Variants in RAD51B observed in about 807,000 individuals in gnomAD.
RAD51B encodes DNA repair protein RAD51 homolog 2.
Under a neutral mutation model 42.2 loss-of-function variants are expected in RAD51B, and 38 were observed. The ratio of observed to expected loss-of-function variants is 0.90; its 90% CI spans 0.70 to 1.18. The LOEUF (loss-of-function observed/expected upper bound fraction) is 1.18, where lower values mean the gene tolerates loss of function less well. Ranked by LOEUF, RAD51B falls within the 50% of genes most tolerant of loss-of-function variation. The pLI, the probability that RAD51B is intolerant of heterozygous loss-of-function variation, is 0.00. For synonymous variants in RAD51B, 154 were observed against 145.2 expected, an observed-to-expected ratio of 1.06 and a Z score of -0.43; for missense variants, 373 against 400.7, an observed-to-expected ratio of 0.93 and a Z score of 0.59.
chr14:68,352,485 T>C (rs1464467581), intron 8 of RAD51B, among the ~76,000 whole-genome samples: 1 of 152,244 alleles, frequency 6.6e-6, no homozygotes, highest in Non-Finnish European at 1.5e-5. Flanking sequence ...GTTGTTTGGA[T>C]TGTAGAAGTC....
chr14:68,429,475 T>TGA (rs2084943798), intron 9 of RAD51B, among the ~76,000 whole-genome samples: 2 of 152,362 alleles, frequency 1.3e-5, no homozygotes, highest in African/African-American at 4.8e-5. Flanking sequence ...TATCTCATTG[T>TGA]GATTTTGATT....
intron 10 of RAD51B, among the ~76,000 whole-genome samples, chr14:68,648,747 T>G (rs1262385883): frequency 6.6e-6 from 1 of 150,700 alleles, no homozygotes; most frequent in Admixed American, 6.6e-5. Context: ...TTTGCCTGAC[T>G]TGGGGTAAGT....
chr14:67,892,052 A>G (rs2043235175), intron 7 of RAD51B, among the ~76,000 whole-genome samples: 1 of 152,192 alleles, frequency 6.6e-6, no homozygotes, highest in Non-Finnish European at 1.5e-5. Context: ...TTTTCTAGAA[A>G]TGTAATTTTT....
At chr14:68,175,720 A>T (rs1280533505) in intron 7 of RAD51B, among the ~76,000 whole-genome samples, 1 of 152,092 alleles carries the variant, frequency 6.6e-6, no homozygotes, top group Admixed American at 6.6e-5. Flanking sequence ...TATACATGAG[A>T]TCACCATCTC....
At chr14:68,053,266 A>G (rs1446237170) in intron 7 of RAD51B, among the ~76,000 whole-genome samples, 9 of 152,184 alleles carry the variant, frequency 5.9e-5, no homozygotes, top group East Asian at 1.9e-4. Context: ...CTGAAAGGTT[A>G]AGTTTTGTAC....
intron 10 of RAD51B, 112 bp downstream of exon 10, chr14:68,468,362 A>T: frequency 8.8e-7 from 1 of 1,137,760 alleles, no homozygotes. Flanking sequence ...AGAATCAAAA[A>T]CCAAGATGCA....
At chr14:68,314,831 G>A (rs1184494261) in intron 8 of RAD51B, among the ~76,000 whole-genome samples, 1 of 152,032 alleles carries the variant, frequency 6.6e-6, no homozygotes, top group Non-Finnish European at 1.5e-5. Context: ...TCTTAATTAC[G>A]ACTTCCCCTC....
At chr14:68,244,694 CA>C (rs1359994941) in intron 7 of RAD51B, among the ~76,000 whole-genome samples, 1 of 152,170 alleles carries the variant, frequency 6.6e-6, no homozygotes, top group East Asian at 1.9e-4. Flanking sequence ...GGAATCGAAA[CA>C]AAAGATGGAA....
At chr14:68,121,264 G>A (rs1320765187) in intron 7 of RAD51B, among the ~76,000 whole-genome samples, 2 of 152,148 alleles carry the variant, frequency 1.3e-5, no homozygotes, top group East Asian at 1.9e-4. Context: ...ACCAGACTTA[G>A]CAGCTTTATT....
At chr14:68,551,718 A>G (rs1888582177) in intron 10 of RAD51B, among the ~76,000 whole-genome samples, 1 of 152,212 alleles carries the variant, frequency 6.6e-6, no homozygotes, top group South Asian at 2.1e-4. Flanking sequence ...AGACTGTGAT[A>G]TCCTTAATAA....
intron 7 of RAD51B, among the ~76,000 whole-genome samples, chr14:68,091,875 A>G (rs2077105722): frequency 6.6e-6 from 1 of 152,190 alleles, no homozygotes; most frequent in South Asian, 2.1e-4. Flanking sequence ...TAATTTTTGT[A>G]TAAGGTGTAA....
intron 8 of RAD51B, among the ~76,000 whole-genome samples, chr14:68,368,644 G>T (rs1470503629): frequency 6.6e-6 from 1 of 152,194 alleles, no homozygotes; most frequent in Non-Finnish European, 1.5e-5. Context: ...TGGGGCAGTG[G>T]TGGTACAAGT....
chr14:68,456,372 G>A (rs2140200444), intron 9 of RAD51B, among the ~76,000 whole-genome samples: 1 of 152,186 alleles, frequency 6.6e-6, no homozygotes, highest in Admixed American at 6.5e-5. Context: ...ACACAAATAG[G>A]TTGAAAGTAA....
At chr14:67,947,992 T>C (rs754920559) in intron 7 of RAD51B, among the ~76,000 whole-genome samples, 7 of 152,156 alleles carry the variant, frequency 4.6e-5, no homozygotes, top group Non-Finnish European at 7.4e-5. Context: ...TTTTCAGAAA[T>C]GAATGCTGAT....
intron 10 of RAD51B, among the ~76,000 whole-genome samples, chr14:68,602,778 C>G (rs893233870): frequency 2.0e-5 from 3 of 152,130 alleles, no homozygotes; most frequent in Non-Finnish European, 4.4e-5. Context: ...CAACACCTAG[C>G]CTAATATTTG....
intron 7 of RAD51B, among the ~76,000 whole-genome samples, chr14:67,889,051 C>A (rs781473749): frequency 4.6e-5 from 7 of 152,066 alleles, no homozygotes; most frequent in Admixed American, 2.0e-4. Flanking sequence ...GAGAAAGGGG[C>A]ACTGCTTTTC....
chr14:67,830,229 G>GT (rs2040987808), intron 3 of RAD51B, among the ~76,000 whole-genome samples: 1 of 152,018 alleles, frequency 6.6e-6, no homozygotes, highest in Admixed American at 6.6e-5. Flanking sequence ...TGTAATATGT[G>GT]TTTTAAAAAA....
At chr14:68,252,319 T>A (rs941853474) in intron 7 of RAD51B, among the ~76,000 whole-genome samples, 2 of 152,244 alleles carry the variant, frequency 1.3e-5, no homozygotes, top group Non-Finnish European at 2.9e-5. Context: ...TCAGAAATTA[T>A]ATGAATGGAA....
At chr14:68,010,693 A>C (rs1301834935) in intron 7 of RAD51B, among the ~76,000 whole-genome samples, 1 of 151,824 alleles carries the variant, frequency 6.6e-6, no homozygotes, top group Non-Finnish European at 1.5e-5. Flanking sequence ...GTTTCTTCTG[A>C]TCAGCTTATA....
Sources: gnomAD v4.1 joint callset for allele counts (sites outside exome capture counted in the v4.1 genomes callset) on GRCh38, gnomAD v4.1.1 for gene constraint, MANE v1.5 for transcripts, NCBI Gene and HGNC (gene_info 2026-07-23, HGNC 2026-07-21) for gene names.